Variants in GRIN2A observed in about 807,000 individuals in gnomAD.
GRIN2A encodes glutamate ionotropic receptor NMDA type subunit 2A, also known as glutamate receptor ionotropic, NMDA 2A.
A neutral mutation model predicts 113.4 loss-of-function variants in GRIN2A; 22 were observed. That is an observed-to-expected ratio of 0.19 (90% CI 0.14 to 0.28). The LOEUF (loss-of-function observed/expected upper bound fraction) is 0.28, where lower values mean the gene tolerates loss of function less well. Among genes scored for constraint, GRIN2A ranks in the 10% least tolerant of loss-of-function variants. The pLI is 1.00. For missense variants in GRIN2A, 1,502 were observed against 1,887.0 expected, an observed-to-expected ratio of 0.80 and a Z score of 3.78; for synonymous variants, 827 against 738.4, an observed-to-expected ratio of 1.12 and a Z score of -1.94.
At chr16:9,903,509 T>C (rs2043973589) in intron 3 of GRIN2A, among the ~76,000 whole-genome samples, 1 of 152,198 alleles carries the variant, frequency 6.6e-6, no homozygotes. Flanking sequence ...TTTTCCCTAC[T>C]TGACACCAAA....
intron 2 of GRIN2A, among the ~76,000 whole-genome samples, chr16:10,139,654 T>TATGC (rs1211999860): frequency 6.6e-6 from 1 of 152,098 alleles, no homozygotes; most frequent in Non-Finnish European, 1.5e-5. Context: ...AAAAGGCAAG[T>TATGC]ATGCAACCTT....
chr16:10,150,423 A>G (rs559598732), intron 2 of GRIN2A, among the ~76,000 whole-genome samples: 1 of 152,296 alleles, frequency 6.6e-6, no homozygotes, highest in South Asian at 2.1e-4. Context: ...TTGACCTGGT[A>G]TCTCCTGTTT....
chr16:9,769,101 A>C lies in GRIN2A; in HGVS notation c.2357-12T>G. On this transcript the variant is annotated splice_polypyrimidine_tract_variant and intron_variant, in intron 11 of 12. Coordinates refer to ENST00000330684, the MANE Select transcript of GRIN2A (RefSeq NM_001134407.3). The stretch of plus-strand genomic sequence containing the variant: ...CTCCTCCATCTCACCTGGACAGATC[A>C]CAACATTCACAGGCAGTGAGGACCA... The C allele has an allele frequency of 1.3e-6, 2 of 1,595,582 alleles. No individual in the cohort carries two copies. Among genetic ancestry groups the C allele is most frequent in the Non-Finnish European group, 1.7e-6 (2 of 1,163,102 alleles).
intron 2 of GRIN2A, among the ~76,000 whole-genome samples, chr16:10,136,929 T>TA (rs2049205366): frequency 6.6e-6 from 1 of 152,166 alleles, no homozygotes; most frequent in Non-Finnish European, 1.5e-5. Context: ...AAGGAAACAA[T>TA]AAATGGTAAA....
At chr16:10,040,019 C>CTAT in intron 2 of GRIN2A, among the ~76,000 whole-genome samples, 1 of 430 alleles carries the variant, frequency 2.3e-3, no homozygotes, top group Non-Finnish European at 5.2e-3. Flanking sequence ...ATCCACACAC[C>CTAT]ACACACAAAT....
intron 3 of GRIN2A, among the ~76,000 whole-genome samples, chr16:9,908,205 A>G (rs1023479771): frequency 1.3e-5 from 2 of 152,202 alleles, no homozygotes; most frequent in African/African-American, 4.8e-5. Context: ...TGGTGTGGAA[A>G]TGTGTCCCCT....
At chr16:9,936,556 G>C (rs751421409) in intron 3 of GRIN2A, among the ~76,000 whole-genome samples, 20 of 152,144 alleles carry the variant, frequency 1.3e-4, no homozygotes, top group Non-Finnish European at 2.9e-4. Context: ...AATTGGGATA[G>C]GAGTGATCAT....
chr16:9,885,060 G>A (rs2043562064), intron 4 of GRIN2A, among the ~76,000 whole-genome samples: 1 of 152,010 alleles, frequency 6.6e-6, no homozygotes, highest in African/African-American at 2.4e-5. Context: ...ACTGGCCCAA[G>A]TTCACCCTTC....
intron 2 of GRIN2A, among the ~76,000 whole-genome samples, chr16:10,013,267 C>T (rs1346071071): frequency 6.6e-6 from 1 of 152,172 alleles, no homozygotes; most frequent in African/African-American, 2.4e-5. Flanking sequence ...CTGGATTCAG[C>T]CCATAGGCTG....
intron 12 of GRIN2A, among the ~76,000 whole-genome samples, chr16:9,766,758 A>G (rs1020332171): frequency 1.3e-5 from 2 of 152,086 alleles, no homozygotes; most frequent in Admixed American, 6.6e-5. Context: ...AATCAAATCA[A>G]TCAATCAATC....
intron 2 of GRIN2A, among the ~76,000 whole-genome samples, chr16:10,048,834 AG>A (rs2047305321): frequency 6.6e-6 from 1 of 152,120 alleles, no homozygotes; most frequent in South Asian, 2.1e-4. Context: ...TCAACCTTGG[AG>A]GGTTTCTGTT....
chr16:9,952,787 A>G (rs1389365206), intron 2 of GRIN2A, among the ~76,000 whole-genome samples: 1 of 152,162 alleles, frequency 6.6e-6, no homozygotes, highest in Non-Finnish European at 1.5e-5. Context: ...TGGATTAAAG[A>G]CATTCAAATA....
In GRIN2A at chr16:10,180,094, C is replaced by G. The variant is rs2050230040; in HGVS notation, c.318G>C (p.Gln106His). ...HGLVFGDDTDQEAVAQMLDFI... is the reference protein window; with the variant it reads ...HGLVFGDDTDHEAVAQMLDFI... ...AATCCAGCATCTGGGCTACGGCCTC[C>G]TGGTCCGTGTCGTCCCCAAACACGA... Residue 106 changes from glutamine to histidine, a missense_variant, in exon 2 of 13, where the codon CAG becomes CAC. Gln to His is a conservative substitution (Grantham distance 24, BLOSUM62 0). Coordinates refer to ENST00000330684, the MANE Select transcript of GRIN2A (RefSeq NM_001134407.3). This position sits in a 1 kb window ranked among gnomAD's most constrained non-coding sequence, Gnocchi z 7.0. The G allele has an allele frequency of 6.2e-7, 1 of 1,614,102 alleles. No homozygotes were observed. The highest frequency in any genetic ancestry group is 1.3e-5 in the African/African-American group (1 of 74,950).
In GRIN2A at chr16:10,132,059, T is replaced by A. The variant is rs117315209; in HGVS notation, c.414+47939A>T. 2.0e-5 allele frequency among the ~76,000 whole-genome samples: 3 copies of A among 152,198 alleles called. No individual in the cohort carries two copies. In the East Asian group the frequency reaches 5.8e-4, roughly 29 times the overall value. ...TCAGAGATGTGAAATAGTCTGGGCT[T>A]GGTGGCTCGCGCCTGTAATCCCAGC... On this transcript the variant is annotated intron_variant, in intron 2 of 12. Coordinates refer to ENST00000330684, the MANE Select transcript of GRIN2A (RefSeq NM_001134407.3).
intron 2 of GRIN2A, among the ~76,000 whole-genome samples, chr16:10,129,417 A>C (rs1186742081): frequency 6.6e-6 from 1 of 152,188 alleles, no homozygotes; most frequent in Non-Finnish European, 1.5e-5. Flanking sequence ...AGATAGAGCT[A>C]AGCTATAGGA....
chr16:9,952,736 G>A lies in GRIN2A; in HGVS notation c.415-14185C>T, dbSNP rs576411007. ...ATTGATCCCAAGTACACGTGACAGA[G>A]CCTGCCACAGAGAGGAACTCAATGC... On this transcript the variant is annotated intron_variant, in intron 2 of 12. Coordinates refer to ENST00000330684, the MANE Select transcript of GRIN2A (RefSeq NM_001134407.3). Among the ~76,000 whole-genome samples the A allele has an allele frequency of 1.8e-4, 28 of 152,274 alleles. No individual in the cohort carries two copies. In the South Asian group the frequency reaches 5.6e-3, roughly 30 times the overall value.
chr16:9,976,412 A>G (rs2045774216), intron 2 of GRIN2A, among the ~76,000 whole-genome samples: 1 of 152,216 alleles, frequency 6.6e-6, no homozygotes, highest in Admixed American at 6.5e-5. Flanking sequence ...TCCTGTAACC[A>G]AACAAGTTGC....
chr16:10,109,893 A>T (rs11862519), intron 2 of GRIN2A, among the ~76,000 whole-genome samples: 53,867 of 151,474 alleles, frequency 0.36, 10,803 homozygotes, highest in Non-Finnish European at 0.46. Context: ...AAAAAATAAA[A>T]TTTTTTTTAA....
intron 3 of GRIN2A, among the ~76,000 whole-genome samples, chr16:9,913,952 T>C (rs2044192546): frequency 6.6e-6 from 1 of 152,146 alleles, no homozygotes; most frequent in African/African-American, 2.4e-5. Context: ...TTTTACTTGT[T>C]GCTGATTTTC....
Sources: allele counts gnomAD v4.1 joint callset (sites outside exome capture counted in the v4.1 genomes callset), GRCh38; gene constraint gnomAD v4.1.1; non-coding constraint Gnocchi (gnomAD v3.1); transcripts MANE v1.5; gene names NCBI Gene and HGNC (gene_info 2026-07-23, HGNC 2026-07-21).